SLC9A9: variants seen among roughly 807,000 people sequenced by gnomAD.
The protein encoded by SLC9A9 is sodium/hydrogen exchanger 9.
A neutral mutation model predicts 77.8 loss-of-function variants in SLC9A9; 62 were observed. The ratio of observed to expected loss-of-function variants is 0.80; its 90% CI spans 0.65 to 0.98. The LOEUF (loss-of-function observed/expected upper bound fraction) is 0.98. Ranked by LOEUF, SLC9A9 falls within the 50% of genes least tolerant of loss-of-function variation. SLC9A9 has a pLI of 0.00. For missense variants in SLC9A9, 775 were observed against 774.9 expected (o/e 1.00, Z 0.00); for synonymous variants, 320 against 283.5 (o/e 1.13, Z -1.29).
At chr3:143,743,122 C>G (rs1486740298) in intron 4 of SLC9A9, among the ~76,000 whole-genome samples, 1 of 151,502 alleles carries the variant, frequency 6.6e-6, no homozygotes, top group Admixed American at 6.6e-5. Context: ...CAGGCTCCAC[C>G]AGTAGGAAAG....
At chr3:143,787,277 T>C (rs74875558) in intron 4 of SLC9A9, among the ~76,000 whole-genome samples, 3,319 of 152,292 alleles carry the variant, frequency 0.022, 50 homozygotes, top group South Asian at 0.035. Context: ...ATAGACGATA[T>C]ACACAATTAT....
At chr3:143,277,566 G>A (rs1389281897) in intron 14 of SLC9A9, among the ~76,000 whole-genome samples, 1 of 152,190 alleles carries the variant, frequency 6.6e-6, no homozygotes, top group East Asian at 1.9e-4. Flanking sequence ...CAGATCAAAA[G>A]ATTTCCAGGG....
chr3:143,649,387 A>C lies in SLC9A9; in HGVS notation c.755+2868T>G, dbSNP rs150019823. On this transcript the variant is annotated intron_variant, in intron 6 of 15. Transcript: ENST00000316549. ...AACTTCAAAACTTTTATGTTAAATA[A>C]AGTTATTTGCATTTTAGCACAAACA... 1.6e-4 allele frequency among the ~76,000 whole-genome samples: 25 copies of C among 152,306 alleles called. No homozygotes were observed. The East Asian group carries it at 2.9e-3, about 18-fold the overall frequency.
intron 9 of SLC9A9, among the ~76,000 whole-genome samples, chr3:143,541,763 T>C (rs2036694594): frequency 6.6e-6 from 1 of 152,216 alleles, no homozygotes; most frequent in South Asian, 2.1e-4. Context: ...CCCTTAGCTC[T>C]GAACTTCTTT....
Position 143,730,859 on chromosome 3 carries a change from T to A in SLC9A9, c.534-37552A>T, listed in dbSNP as rs1257930426. 7.0e-3 allele frequency among the ~76,000 whole-genome samples: 1,055 copies of A among 150,658 alleles called. 7 individuals are homozygous for A. The highest frequency in any genetic ancestry group is 0.024 in the African/African-American group (989 of 40,982). On this transcript the variant is annotated intron_variant, in intron 4 of 15. Coordinates refer to ENST00000316549, the MANE Select transcript of SLC9A9 (RefSeq NM_173653.4). Reference sequence around the variant, plus strand: ...AGTTTTCTAAGAAGTCAGCATGACTTAAAAAAAAAGAAAAAGAAAAAGGTT... The same window carrying A: ...AGTTTTCTAAGAAGTCAGCATGACTAAAAAAAAAAGAAAAAGAAAAAGGTT...
intron 4 of SLC9A9, among the ~76,000 whole-genome samples, chr3:143,744,118 A>G (rs745694662): frequency 1.3e-5 from 2 of 152,204 alleles, no homozygotes; most frequent in Non-Finnish European, 2.9e-5. Flanking sequence ...ATAGAATTCA[A>G]AGTAATTTTT....
chr3:143,800,136 T>G (rs2008511243), intron 2 of SLC9A9, among the ~76,000 whole-genome samples: 1 of 152,100 alleles, frequency 6.6e-6, no homozygotes, highest in Non-Finnish European at 1.5e-5. Context: ...CAGTTCAAAG[T>G]CTCCTTCGCA....
chr3:143,493,650 T>C lies in SLC9A9; in HGVS notation c.1315+3A>G. 6.2e-7 allele frequency: 1 copy of C among 1,610,192 alleles called. No individual in the cohort carries two copies. The highest frequency in any genetic ancestry group is 8.5e-7 in the Non-Finnish European group (1 of 1,176,396). The stretch of plus-strand genomic sequence containing the variant: ...GCACTAACATATAACATAGTTCACA[T>C]ACCTGAAAACATCATCATGTGCTGA... On this transcript the variant is annotated splice_donor_region_variant and intron_variant, in intron 11 of 15. Transcript: ENST00000316549.
intron 2 of SLC9A9, among the ~76,000 whole-genome samples, chr3:143,810,899 G>C (rs1474645722): frequency 6.6e-6 from 1 of 152,210 alleles, no homozygotes; most frequent in Non-Finnish European, 1.5e-5. Context: ...AAGGTGCTGG[G>C]ATAAGCTGTA....
At chr3:143,793,789 A>G (rs1366919626) in intron 4 of SLC9A9, among the ~76,000 whole-genome samples, 1 of 152,228 alleles carries the variant, frequency 6.6e-6, no homozygotes, top group South Asian at 2.1e-4. Flanking sequence ...AGGCCCCTGC[A>G]AAGTTTAGAA....
chr3:143,731,968 G>A (rs1934815501), intron 4 of SLC9A9, among the ~76,000 whole-genome samples: 1 of 152,190 alleles, frequency 6.6e-6, no homozygotes, highest in African/African-American at 2.4e-5. Context: ...ACTGCAATAT[G>A]TCCAGGAACT....
intron 12 of SLC9A9, among the ~76,000 whole-genome samples, chr3:143,402,921 G>C (rs1184714750): frequency 2.0e-5 from 3 of 151,076 alleles, no homozygotes; most frequent in Non-Finnish European, 1.5e-5. Context: ...CATATTTTTT[G>C]TTATTTTCTT....
intron 4 of SLC9A9, among the ~76,000 whole-genome samples, chr3:143,789,816 A>G (rs1280813902): frequency 6.6e-6 from 1 of 152,174 alleles, no homozygotes; most frequent in African/African-American, 2.4e-5. Flanking sequence ...GCACAGTCCT[A>G]TGCTGTGTAT....
At chr3:143,306,506 T>TA (rs1238734637) in intron 14 of SLC9A9, among the ~76,000 whole-genome samples, 1 of 152,246 alleles carries the variant, frequency 6.6e-6, no homozygotes, top group Non-Finnish European at 1.5e-5. Context: ...TTTATTCTTA[T>TA]ATCTTTAAAA....
At chr3:143,562,846 AC>A (rs2037109288) in intron 8 of SLC9A9, among the ~76,000 whole-genome samples, 1 of 151,932 alleles carries the variant, frequency 6.6e-6, no homozygotes, top group African/African-American at 2.4e-5. Flanking sequence ...TCAACTACAT[AC>A]ATCTGGGTCC....
intron 5 of SLC9A9, among the ~76,000 whole-genome samples, chr3:143,672,951 C>A (rs931405665): frequency 9.2e-5 from 14 of 152,114 alleles, no homozygotes; most frequent in Non-Finnish European, 1.6e-4. Context: ...GCAGCCGTAA[C>A]CATAGTAACC....
At chr3:143,383,218 A>G (rs1409171606) in intron 12 of SLC9A9, among the ~76,000 whole-genome samples, 1 of 152,116 alleles carries the variant, frequency 6.6e-6, no homozygotes, top group African/African-American at 2.4e-5. Flanking sequence ...TTTTTCCTCC[A>G]CTACCCACAG....
chr3:143,834,687 G>A (rs1318150624), intron 1 of SLC9A9, among the ~76,000 whole-genome samples: 1 of 150,312 alleles, frequency 6.7e-6, no homozygotes, highest in Non-Finnish European at 1.5e-5. Flanking sequence ...TAATAGTGAT[G>A]GCCTGGTGCC....
intron 4 of SLC9A9, among the ~76,000 whole-genome samples, chr3:143,754,266 A>T (rs1390256089): frequency 6.6e-6 from 1 of 152,248 alleles, no homozygotes; most frequent in African/African-American, 2.4e-5. Flanking sequence ...CTGTTTCAGT[A>T]AAAGTCCCAA....
Sources: gnomAD v4.1 joint callset for allele counts (sites outside exome capture counted in the v4.1 genomes callset) on GRCh38, gnomAD v4.1.1 for gene constraint, MANE v1.5 for transcripts, NCBI Gene and HGNC (gene_info 2026-07-23, HGNC 2026-07-21) for gene names.